The following RNF2 variants were observed in gnomAD, a reference collection of about 807,000 sequenced individuals.
The protein encoded by RNF2 is ring finger protein 2.
A neutral mutation model predicts 37.2 loss-of-function variants in RNF2; 6 were observed. The observed-to-expected ratio is 0.16, with a 90% CI of 0.09 to 0.32. The LOEUF (loss-of-function observed/expected upper bound fraction) is 0.32, where lower values mean the gene tolerates loss of function less well. Among genes scored for constraint, RNF2 ranks in the 10% least tolerant of loss-of-function variants. RNF2 has a pLI of 1.00. For synonymous variants in RNF2, 133 were observed against 132.7 expected, an observed-to-expected ratio of 1.00 and a Z score of -0.02; for missense variants, 251 against 404.0, an observed-to-expected ratio of 0.62 and a Z score of 3.25.
intron 1 of RNF2, among the ~76,000 whole-genome samples, chr1:185,064,891 T>C (rs998706529): frequency 6.6e-6 from 1 of 152,238 alleles, no homozygotes; most frequent in Non-Finnish European, 1.5e-5. Flanking sequence ...TGTTAGTGTA[T>C]ATGAATGAAA....
At chr1:185,054,772 A>G (rs1650382660) in intron 1 of RNF2, among the ~76,000 whole-genome samples, 1 of 152,132 alleles carries the variant, frequency 6.6e-6, no homozygotes, top group Admixed American at 6.5e-5. Flanking sequence ...ATCTCAGCTC[A>G]CTGCATCCTC....
chr1:185,094,927 A>ATTCT (rs1651870461), intron 4 of RNF2, among the ~76,000 whole-genome samples: 1 of 152,190 alleles, frequency 6.6e-6, no homozygotes, highest in Non-Finnish European at 1.5e-5. Flanking sequence ...CTCACTCAGA[A>ATTCT]AACTTTCAAA....
chr1:185,071,028 A>G (rs915216308), intron 1 of RNF2, among the ~76,000 whole-genome samples: 4 of 152,202 alleles, frequency 2.6e-5, no homozygotes, highest in African/African-American at 9.6e-5. Flanking sequence ...CTGCATAAGT[A>G]TACTTTGTTT....
Position 185,082,314 on chromosome 1 carries a change from C to T in RNF2, c.-2-5238C>T, listed in dbSNP as rs562634060. ...TCCGCTGGCTGGTCACTATGCTCCGCGTCTTCAAGGTTCTTGTCTCCTCTG... is the reference window on the plus strand; with the variant it reads ...TCCGCTGGCTGGTCACTATGCTCCGTGTCTTCAAGGTTCTTGTCTCCTCTG... On this transcript the variant is annotated intron_variant, in intron 1 of 6. Coordinates refer to ENST00000367510, the MANE Select transcript of RNF2 (RefSeq NM_007212.4). Among the ~76,000 whole-genome samples, 13 of 142,910 alleles carry T rather than the reference C, an allele frequency of 9.1e-5. No homozygotes were observed. The East Asian group carries it at 1.5e-3, about 16-fold the overall frequency. The allele number at this position is 142,910 out of a possible 152,430, so 93.8% of individuals were successfully genotyped here. A position where few individuals can be genotyped will look rare whatever the true frequency, so the allele number is the denominator to read the frequency against.
intron 1 of RNF2, among the ~76,000 whole-genome samples, chr1:185,079,388 A>G (rs1176929049): frequency 6.6e-6 from 1 of 152,160 alleles, no homozygotes; most frequent in Admixed American, 6.5e-5. Context: ...CACATAATCA[A>G]ACTTGGAAAT....
chr1:185,075,052 TG>T (rs2102177512), intron 1 of RNF2, among the ~76,000 whole-genome samples: 1 of 152,158 alleles, frequency 6.6e-6, no homozygotes, highest in African/African-American at 2.4e-5. Flanking sequence ...CTGGAGTGAG[TG>T]GCGTGATCTC....
chr1:185,060,307 T>C (rs768841535), intron 1 of RNF2, among the ~76,000 whole-genome samples: 2 of 152,196 alleles, frequency 1.3e-5, no homozygotes, highest in Non-Finnish European at 2.9e-5. Flanking sequence ...TCTACAGGTT[T>C]ATTTATTGGG....
In RNF2 at chr1:185,076,268, G is replaced by GTTTTTTTTTTTTTTTTTTTTTTTTT. The variant is rs71101959; in HGVS notation, c.-2-11268_-2-11244dup. Reference sequence around the variant, plus strand: ...TTTTCTTCTAGATCTTTTATGGGTTGTTTTTTTTTTTTTTTTTTTTTTTTT... The same window carrying GTTTTTTTTTTTTTTTTTTTTTTTTT: ...TTTTCTTCTAGATCTTTTATGGGTTGTTTTTTTTTTTTTTTTTTTTTTTTTTTTTTTTTTTTTTTTTTTTTTTTTT... On this transcript the variant is annotated intron_variant, in intron 1 of 6. Transcript: ENST00000367510. Among the ~76,000 whole-genome samples, 18 of 27,348 alleles carry GTTTTTTTTTTTTTTTTTTTTTTTTT rather than the reference G, an allele frequency of 6.6e-4. 7 individuals are homozygous for GTTTTTTTTTTTTTTTTTTTTTTTTT. Among genetic ancestry groups the GTTTTTTTTTTTTTTTTTTTTTTTTT allele is most frequent in the Middle Eastern group, 0.017 (1 of 58 alleles). 17.9% of individuals were successfully genotyped at this position (27,348 alleles called of 152,430 possible).
chr1:185,095,191 T>A (rs548998585), intron 4 of RNF2, among the ~76,000 whole-genome samples: 8 of 152,360 alleles, frequency 5.3e-5, no homozygotes, highest in Non-Finnish European at 1.0e-4. Flanking sequence ...CTTTAATGGT[T>A]GTTCAGTTTA....
chr1:185,068,144 T>C (rs1356231489), intron 1 of RNF2, among the ~76,000 whole-genome samples: 4 of 152,146 alleles, frequency 2.6e-5, no homozygotes, highest in Non-Finnish European at 4.4e-5. Flanking sequence ...GTGGTTACAT[T>C]TTCTGAAATG....
chr1:185,095,574 G>C (rs1444679482), intron 4 of RNF2, among the ~76,000 whole-genome samples: 1 of 152,160 alleles, frequency 6.6e-6, no homozygotes, highest in African/African-American at 2.4e-5. Context: ...TGACCCCTAA[G>C]AGGGAAGAGA....
intron 1 of RNF2, among the ~76,000 whole-genome samples, chr1:185,048,253 C>G (rs1232209754): frequency 6.6e-6 from 1 of 152,112 alleles, no homozygotes; most frequent in Non-Finnish European, 1.5e-5. Context: ...GTAGGTGTGA[C>G]CCATTATCCA....
At chr1:185,067,706 TC>T (rs1436304637) in intron 1 of RNF2, among the ~76,000 whole-genome samples, 5 of 144,194 alleles carry the variant, frequency 3.5e-5, no homozygotes, top group Admixed American at 2.8e-4. Context: ...TTTAAAAGTA[TC>T]CTTTTTTTTT....
intron 4 of RNF2, among the ~76,000 whole-genome samples, chr1:185,097,725 C>T (rs1651952227): frequency 6.6e-6 from 1 of 152,176 alleles, no homozygotes; most frequent in Non-Finnish European, 1.5e-5. Flanking sequence ...TTGGTAGAGA[C>T]AGGGTCTCAC....
At chr1:185,072,183 C>G (rs1385985185) in intron 1 of RNF2, 1 of 152,118 alleles carries the variant, frequency 6.6e-6, no homozygotes, top group East Asian at 1.9e-4. Context: ...GGTGGGGGTT[C>G]CAAGCACAGT....
chr1:185,094,523 T>C (rs2102203670), intron 4 of RNF2, among the ~76,000 whole-genome samples: 1 of 152,282 alleles, frequency 6.6e-6, no homozygotes, highest in Non-Finnish European at 1.5e-5. Context: ...CTCCATAGTA[T>C]ATCCAGATTC....
rs1301612852 is a variant in RNF2, at chr1:185,091,930, C to G, written c.248+191C>G. On this transcript the variant is annotated intron_variant, in intron 3 of 6. Coordinates refer to ENST00000367510, the MANE Select transcript of RNF2 (RefSeq NM_007212.4). ...TCCTGGGTTCAAGCGATTCTCCTGCCTCAGCCTCCAGAGTAGCTGGGATTA... is the reference window on the plus strand; with the variant it reads ...TCCTGGGTTCAAGCGATTCTCCTGCGTCAGCCTCCAGAGTAGCTGGGATTA... 6 of 484,576 alleles carry G rather than the reference C, an allele frequency of 1.2e-5. No individual in the cohort carries two copies. In the Admixed American group the frequency reaches 1.5e-4, roughly 12 times the overall value. The allele number at this position is 484,576 out of a possible 1,614,324, so 30.0% of individuals were successfully genotyped here.
At chr1:185,085,611 A>G (rs1450726482) in intron 1 of RNF2, among the ~76,000 whole-genome samples, 1 of 150,338 alleles carries the variant, frequency 6.7e-6, no homozygotes, top group African/African-American at 2.4e-5. Flanking sequence ...CTTCTATACT[A>G]CTTGAGTTTT....
At chr1:185,095,928 A>C (rs930101038) in intron 4 of RNF2, among the ~76,000 whole-genome samples, 1 of 152,170 alleles carries the variant, frequency 6.6e-6, no homozygotes, top group Non-Finnish European at 1.5e-5. Flanking sequence ...AAATGCTACC[A>C]TCAGGACAGT....
Sources: gnomAD v4.1 joint callset for allele counts (sites outside exome capture counted in the v4.1 genomes callset) on GRCh38, gnomAD v4.1.1 for gene constraint, MANE v1.5 for transcripts, NCBI Gene and HGNC (gene_info 2026-07-23, HGNC 2026-07-21) for gene names.